The following LTBP1 variants were observed in gnomAD, a reference collection of about 807,000 sequenced individuals.
LTBP1 encodes the protein latent-transforming growth factor beta-binding protein 1.
In LTBP1, 129 loss-of-function variants were observed where a neutral mutation model predicts 207.6. The ratio of observed to expected loss-of-function variants is 0.62; its 90% confidence interval spans 0.54 to 0.72. The LOEUF is 0.72. LTBP1 is among the 30% of genes least tolerant of loss of function. The probability of loss-of-function intolerance (pLI) is 0.00; values close to 1 mark genes in which losing one functional copy is unlikely to be tolerated. For missense variants in LTBP1, 2,281 were observed against 2,217.2 expected (o/e 1.03, Z -0.58); for synonymous variants, 963 against 833.7 (o/e 1.16, Z -2.67).
intron 11 of LTBP1, among the ~76,000 whole-genome samples, chr2:33,254,852 G>GTTTTTTTTTTT (rs70938393): frequency 6.8e-4 from 7 of 10,364 alleles, no homozygotes; most frequent in African/African-American, 1.1e-3. Context: ...GCGGTGTTTG[G>GTTTTTTTTTTT]TTTTTTTTTT....
intron 3 of LTBP1, among the ~76,000 whole-genome samples, chr2:33,080,017 T>TTTTTG (rs1000779522): frequency 1.3e-5 from 2 of 152,054 alleles, no homozygotes; most frequent in East Asian, 1.9e-4. Context: ...AGAGACCACT[T>TTTTTG]TTTTGTTTTG....
intron 3 of LTBP1, among the ~76,000 whole-genome samples, chr2:33,085,938 A>G (rs942613857): frequency 3.9e-5 from 6 of 152,208 alleles, no homozygotes; most frequent in African/African-American, 7.2e-5. Context: ...GAATCAATCC[A>G]TGGTGCATTG....
chr2:33,205,735 G>A (rs1207186016), intron 7 of LTBP1, among the ~76,000 whole-genome samples: 1 of 152,154 alleles, frequency 6.6e-6, no homozygotes, highest in East Asian at 1.9e-4. Flanking sequence ...AAATTCATAT[G>A]TTGAAGCCCC....
intron 9 of LTBP1, among the ~76,000 whole-genome samples, chr2:33,225,992 C>T (rs1191094723): frequency 4.6e-5 from 7 of 152,066 alleles, no homozygotes; most frequent in Non-Finnish European, 8.8e-5. Flanking sequence ...TTTTTGGACA[C>T]CTAGGTTGAT....
chr2:33,152,711 T>A (rs1236718929), intron 5 of LTBP1, among the ~76,000 whole-genome samples: 1 of 152,240 alleles, frequency 6.6e-6, no homozygotes, highest in African/African-American at 2.4e-5. Flanking sequence ...GCTGGCCTCT[T>A]CGTGAGCTTA....
At chr2:33,263,486 T>G in intron 15 of LTBP1, 94 bp downstream of exon 15, 1 of 859,994 alleles carries the variant, frequency 1.2e-6, no homozygotes, top group Non-Finnish European at 1.9e-6. Context: ...AGCTTGCTCA[T>G]GGCAGGGTTA....
At position 32,947,357 on chromosome 2, in the gene LTBP1, GCT is replaced by G; in HGVS notation, c.36_37del (p.Trp13GlyfsTer141). The G allele has an allele frequency of 7.7e-7, 1 of 1,303,610 alleles. No individual in the cohort carries two copies. The highest frequency in any genetic ancestry group is 9.7e-7 in the Non-Finnish European group (1 of 1,028,162). 80.8% of individuals were successfully genotyped at this position (1,303,610 alleles called of 1,614,324 possible). ...GGGCCTGGCTCAGGTGGGGGCTCCT[GCT>G]CTGGGCAGGGCTCCTCGCGTCCTCG... ...AGAWLRWGLL[L>X]WAGLLASSAH... On this transcript the variant is annotated frameshift_variant, in exon 1 of 34. Transcript: ENST00000404816. LOFTEE classifies it high-confidence loss of function.
At chr2:33,159,579 C>G (rs140678749) in intron 5 of LTBP1, among the ~76,000 whole-genome samples, 377 of 152,350 alleles carry the variant, frequency 2.5e-3, no homozygotes, top group African/African-American at 6.9e-3. Flanking sequence ...CCACCCTCCC[C>G]AAACCTAGTG....
intron 3 of LTBP1, among the ~76,000 whole-genome samples, chr2:33,028,132 A>T (rs2075518626): frequency 6.6e-6 from 1 of 152,162 alleles, no homozygotes; most frequent in Admixed American, 6.5e-5. Flanking sequence ...GGTGGGAGAG[A>T]CAAGGACAGA....
chr2:33,357,758 G>A (rs1365642036), intron 26 of LTBP1, among the ~76,000 whole-genome samples: 1 of 152,184 alleles, frequency 6.6e-6, no homozygotes, highest in African/African-American at 2.4e-5. Context: ...AATACTGAAG[G>A]AGGAGTAATA....
At position 33,241,288 on chromosome 2, in the gene LTBP1, A is replaced by T. The variant is rs777709584; in HGVS notation, c.1877-2374A>T. ...GTCATAACAGGAAGAGTCTTACACG[A>T]TTCTTCGTCTTTGTGGATGTTTCTG... On this transcript the variant is annotated intron_variant, in intron 9 of 33. Coordinates refer to ENST00000404816, the MANE Select transcript of LTBP1 (RefSeq NM_206943.4). 1.8e-4 allele frequency among the ~76,000 whole-genome samples: 27 copies of T among 152,254 alleles called. 1 individual carries two copies. Among genetic ancestry groups the T allele is most frequent in the Middle Eastern group, 3.4e-3 (1 of 294 alleles).
chr2:32,951,061 T>A (rs778239051), intron 2 of LTBP1, among the ~76,000 whole-genome samples: 1 of 152,136 alleles, frequency 6.6e-6, no homozygotes, highest in African/African-American at 2.4e-5. Context: ...GAAAAATCAG[T>A]GTTGAAGTTA....
intron 4 of LTBP1, among the ~76,000 whole-genome samples, chr2:33,118,434 C>T (rs1277456244): frequency 6.6e-6 from 1 of 152,194 alleles, no homozygotes; most frequent in Non-Finnish European, 1.5e-5. Flanking sequence ...CAGCGAGTTC[C>T]TTAAGCTCCT....
chr2:33,114,715 G>T (rs2080630838), intron 4 of LTBP1, among the ~76,000 whole-genome samples: 1 of 152,172 alleles, frequency 6.6e-6, no homozygotes, highest in Non-Finnish European at 1.5e-5. Context: ...AATTGGGAAA[G>T]GAATGGGATG....
intron 24 of LTBP1, 42 bp from the exon 25 acceptor site, chr2:33,342,796 C>G (rs772527214): frequency 6.2e-7 from 1 of 1,601,084 alleles, no homozygotes; most frequent in Non-Finnish European, 8.5e-7. Context: ...GTTTGTCAGC[C>G]TGTGTTTGTT....
Position 33,048,393 on chromosome 2 carries a change from T to C in LTBP1, c.863+27187T>C, listed in dbSNP as rs113054737. ...GAGGAATAATCCTGTTGTCTTCTAA[T>C]AGTAGAGAAAAACAGGTGACTGGAT... is the stretch of plus-strand genomic sequence containing the variant. On this transcript the variant is annotated intron_variant, in intron 3 of 33. Transcript: ENST00000404816. Among the ~76,000 whole-genome samples the C allele has an allele frequency of 5.9e-3, 892 of 152,288 alleles. 10 individuals carry two copies. The highest frequency in any genetic ancestry group is 0.027 in the Middle Eastern group (8 of 294).
intron 2 of LTBP1, among the ~76,000 whole-genome samples, chr2:32,969,712 C>T (rs574558280): frequency 2.0e-5 from 3 of 152,200 alleles, no homozygotes; most frequent in East Asian, 1.9e-4. Context: ...CATTTGCTAT[C>T]GTGAATAGTG....
At chr2:33,151,770 A>G (rs1433976316) in intron 5 of LTBP1, among the ~76,000 whole-genome samples, 1 of 151,492 alleles carries the variant, frequency 6.6e-6, no homozygotes, top group East Asian at 1.9e-4. Context: ...AGTCTCATCT[A>G]TGTGGCAAAT....
At chr2:33,054,322 A>G (rs2076883602) in intron 3 of LTBP1, among the ~76,000 whole-genome samples, 1 of 152,180 alleles carries the variant, frequency 6.6e-6, no homozygotes, top group African/African-American at 2.4e-5. Flanking sequence ...GTAATCCTTT[A>G]TGAGCTTCAG....
Sources: gnomAD v4.1 joint callset for allele counts (sites outside exome capture counted in the v4.1 genomes callset) on GRCh38, gnomAD v4.1.1 for gene constraint, MANE v1.5 for transcripts, NCBI Gene and HGNC (gene_info 2026-07-23, HGNC 2026-07-21) for gene names.